CRACD: variants seen among roughly 807,000 people sequenced by gnomAD.
CRACD encodes capping protein-inhibiting regulator of actin dynamics.
Under a neutral mutation model 106.8 loss-of-function variants are expected in CRACD, and 56 were observed. The ratio of observed to expected loss-of-function variants is 0.52; its 90% CI spans 0.42 to 0.66. The LOEUF (loss-of-function observed/expected upper bound fraction) is 0.66. Among genes scored for constraint, CRACD ranks in the 30% least tolerant of loss-of-function variants. The pLI is 0.00. For missense variants in CRACD, 1,730 were observed against 1,623.2 expected, an observed-to-expected ratio of 1.07 and a Z score of -1.13; for synonymous variants, 754 against 670.8, an observed-to-expected ratio of 1.12 and a Z score of -1.92.
chr4:56,190,877 G>C (rs1365697874), intron 2 of CRACD, among the ~76,000 whole-genome samples: 1 of 152,048 alleles, frequency 6.6e-6, no homozygotes, highest in Non-Finnish European at 1.5e-5. Context: ...CTCCGTGAGG[G>C]CTATAAAAAA....
rs192488952 is a variant in CRACD, at chr4:56,208,499, G to C, written c.-189+29069G>C. The stretch of plus-strand genomic sequence containing the variant: ...GTTATGTCAGAGTTTAGTAGCAGAA[G>C]GTACAGGAGAATCTATTATTAGGTA... On this transcript the variant is annotated intron_variant, in intron 2 of 10. Coordinates refer to ENST00000682029, the MANE Select transcript of CRACD (RefSeq NM_001393381.1). 2.0e-5 allele frequency among the ~76,000 whole-genome samples: 3 copies of C among 152,232 alleles called. No homozygotes were observed. In the East Asian group the frequency reaches 5.8e-4, roughly 29 times the overall value.
intron 1 of CRACD, among the ~76,000 whole-genome samples, chr4:56,116,615 C>T (rs1426449456): frequency 6.6e-6 from 1 of 152,176 alleles, no homozygotes; most frequent in Non-Finnish European, 1.5e-5. Flanking sequence ...TTTAAAGCCT[C>T]CTTATTGTAA....
intron 1 of CRACD, among the ~76,000 whole-genome samples, chr4:56,056,737 G>A (rs961195195): frequency 5.3e-5 from 8 of 152,050 alleles, no homozygotes; most frequent in African/African-American, 1.9e-4. Flanking sequence ...AGGCTACAAT[G>A]AGCCTGTCTC....
Position 56,213,168 on chromosome 4 carries a change from C to T in CRACD, c.-189+33738C>T, listed in dbSNP as rs142728167. Reference sequence around the variant, plus strand: ...ACAAATTAAAGAGTTTAATTGAGGCCGGGCACAATAGGTCACACCTATAAT... The same window carrying T: ...ACAAATTAAAGAGTTTAATTGAGGCTGGGCACAATAGGTCACACCTATAAT... On this transcript the variant is annotated intron_variant, in intron 2 of 10. Coordinates refer to ENST00000682029, the MANE Select transcript of CRACD (RefSeq NM_001393381.1). 1.5e-4 allele frequency among the ~76,000 whole-genome samples: 23 copies of T among 152,262 alleles called. No individual in the cohort carries two copies. In the East Asian group the frequency reaches 3.5e-3, roughly 23 times the overall value.
At chr4:56,203,517 C>T (rs1437285452) in intron 2 of CRACD, among the ~76,000 whole-genome samples, 1 of 152,168 alleles carries the variant, frequency 6.6e-6, no homozygotes, top group Non-Finnish European at 1.5e-5. Context: ...GCAGTAGCTT[C>T]TTGAGGTTCC....
intron 2 of CRACD, among the ~76,000 whole-genome samples, chr4:56,209,937 G>T (rs1738317152): frequency 1.3e-5 from 2 of 152,168 alleles, no homozygotes; most frequent in African/African-American, 4.8e-5. Context: ...GCCAGGAGAA[G>T]AGCTCAGGAC....
At chr4:56,112,495 G>A (rs975938777) in intron 1 of CRACD, among the ~76,000 whole-genome samples, 1 of 150,484 alleles carries the variant, frequency 6.6e-6, no homozygotes, top group Non-Finnish European at 1.5e-5. Flanking sequence ...AAAGATTTGG[G>A]ATCAGCGGAA....
At position 56,327,888 on chromosome 4, in the gene CRACD, GA is replaced by G; in HGVS notation, c.*87del. ...TTATTTATTTTTTATATGGGGTAAA[GA>G]AATCAAGCTAGGGAAAAGAAGCATG... On this transcript the variant is annotated 3_prime_UTR_variant, in exon 11 of 11. Coordinates refer to ENST00000682029, the MANE Select transcript of CRACD (RefSeq NM_001393381.1). The G allele has an allele frequency of 1.6e-6, 2 of 1,212,968 alleles. No individual in the cohort carries two copies. Among genetic ancestry groups the G allele is most frequent in the East Asian group, 2.4e-5 (1 of 41,274 alleles). The allele number at this position is 1,212,968 out of a possible 1,614,324, so 75.1% of individuals were successfully genotyped here. A position where few individuals can be genotyped will look rare whatever the true frequency, so the allele number is the denominator to read the frequency against.
intron 1 of CRACD, among the ~76,000 whole-genome samples, chr4:56,149,643 T>C (rs948487179): frequency 1.3e-5 from 2 of 152,226 alleles, no homozygotes; most frequent in African/African-American, 4.8e-5. Flanking sequence ...TGATTTTTGT[T>C]CAAAGTATAG....
intron 1 of CRACD, among the ~76,000 whole-genome samples, chr4:56,135,314 A>C (rs1159937378): frequency 1.3e-5 from 2 of 152,206 alleles, no homozygotes; most frequent in Non-Finnish European, 2.9e-5. Flanking sequence ...AAGCTGAGTT[A>C]TATGCTTTTG....
intron 4 of CRACD, among the ~76,000 whole-genome samples, chr4:56,300,492 A>C (rs774579537): frequency 6.6e-6 from 1 of 152,232 alleles, no homozygotes; most frequent in Non-Finnish European, 1.5e-5. Flanking sequence ...TATAGGTTGA[A>C]GAAGAGGGAA....
At chr4:56,291,163 T>C (rs1369884185) in intron 3 of CRACD, among the ~76,000 whole-genome samples, 1 of 152,142 alleles carries the variant, frequency 6.6e-6, no homozygotes, top group Non-Finnish European at 1.5e-5. Context: ...TTTTCTATCA[T>C]TTGAGCAGAG....
intron 1 of CRACD, among the ~76,000 whole-genome samples, chr4:56,113,692 A>G (rs987105878): frequency 6.6e-6 from 1 of 152,170 alleles, no homozygotes; most frequent in Non-Finnish European, 1.5e-5. Flanking sequence ...CAAATCTGAT[A>G]TATTTTTGCT....
intron 10 of CRACD, among the ~76,000 whole-genome samples, chr4:56,327,050 C>G (rs1246339502): frequency 1.3e-5 from 2 of 152,126 alleles, no homozygotes; most frequent in Non-Finnish European, 2.9e-5. Flanking sequence ...AGGAAGGTAG[C>G]TTTTAACCTC....
At chr4:56,260,911 A>ATCCG (rs1741663124) in intron 2 of CRACD, among the ~76,000 whole-genome samples, 1 of 95,382 alleles carries the variant, frequency 1.0e-5, no homozygotes, top group African/African-American at 3.9e-5. Context: ...CCATCCATCC[A>ATCCG]TCCATCCATC....
At chr4:56,303,773 T>C (rs957134772) in intron 4 of CRACD, among the ~76,000 whole-genome samples, 4 of 152,174 alleles carry the variant, frequency 2.6e-5, no homozygotes, top group African/African-American at 9.7e-5. Context: ...GGACCCTGAG[T>C]CCTGCCCTGG....
At chr4:56,131,835 G>A (rs1351231794) in intron 1 of CRACD, among the ~76,000 whole-genome samples, 1 of 151,894 alleles carries the variant, frequency 6.6e-6, no homozygotes, top group Non-Finnish European at 1.5e-5. Flanking sequence ...ATGTCATAAT[G>A]CATTTATATA....
chr4:56,164,937 AG>A (rs1560468785), intron 1 of CRACD, among the ~76,000 whole-genome samples: 1 of 152,216 alleles, frequency 6.6e-6, no homozygotes, highest in African/African-American at 2.4e-5. Context: ...TTCCTTTCAA[AG>A]ACAGACCTAG....
intron 4 of CRACD, 74 bp downstream of exon 4, chr4:56,298,423 A>T: frequency 6.3e-7 from 1 of 1,577,544 alleles, no homozygotes; most frequent in Non-Finnish European, 8.6e-7. Flanking sequence ...AAAAGTCCCG[A>T]GCTTGGCCTT....
Sources: gnomAD v4.1 joint callset for allele counts (sites outside exome capture counted in the v4.1 genomes callset) on GRCh38, gnomAD v4.1.1 for gene constraint, MANE v1.5 for transcripts, NCBI Gene and HGNC (gene_info 2026-07-23, HGNC 2026-07-21) for gene names.